The following OXR1 variants were observed in gnomAD, a reference collection of about 807,000 sequenced individuals.
OXR1 encodes the protein oxidation resistance 1.
A neutral mutation model predicts 104.6 loss-of-function variants in OXR1; 41 were observed. The observed-to-expected ratio is 0.39, with a 90% CI of 0.31 to 0.51. OXR1 has a LOEUF of 0.51. OXR1 is among the 20% of genes least tolerant of loss of function. The probability of loss-of-function intolerance (pLI) is 0.77; values close to 1 mark genes in which losing one functional copy is unlikely to be tolerated. For missense variants in OXR1, 955 were observed against 1,031.9 expected (o/e 0.93, Z 1.02); for synonymous variants, 348 against 348.4 (o/e 1.00, Z 0.01).
intron 1 of OXR1, among the ~76,000 whole-genome samples, chr8:106,303,438 C>T (rs1813345168): frequency 6.6e-6 from 1 of 151,658 alleles, no homozygotes; most frequent in Non-Finnish European, 1.5e-5. Context: ...CGGGGTTTCA[C>T]TGTGTTAGCC....
At chr8:106,467,457 C>T (rs373673835) in intron 2 of OXR1, among the ~76,000 whole-genome samples, 39 of 151,908 alleles carry the variant, frequency 2.6e-4, no homozygotes, top group African/African-American at 9.4e-4. Flanking sequence ...GAGCTTTATT[C>T]CTGGTGGCTT....
At chr8:106,273,515 G>A (rs1008307154) in intron 1 of OXR1, among the ~76,000 whole-genome samples, 2 of 152,220 alleles carry the variant, frequency 1.3e-5, no homozygotes, top group African/African-American at 2.4e-5. Context: ...GGCCAGGGAT[G>A]CTGTGAACAT....
chr8:106,348,796 C>T (rs1272044339), intron 1 of OXR1, among the ~76,000 whole-genome samples: 1 of 152,010 alleles, frequency 6.6e-6, no homozygotes, highest in Non-Finnish European at 1.5e-5. Context: ...AGGCCTTCAG[C>T]AGAGAGTGGA....
At chr8:106,658,837 T>A (rs1825448869) in intron 3 of OXR1, among the ~76,000 whole-genome samples, 1 of 152,218 alleles carries the variant, frequency 6.6e-6, no homozygotes, top group African/African-American at 2.4e-5. Context: ...TACCATTCTT[T>A]AAAACAGTCA....
At chr8:106,565,155 G>A (rs951880506) in intron 3 of OXR1, among the ~76,000 whole-genome samples, 1 of 151,136 alleles carries the variant, frequency 6.6e-6, no homozygotes, top group South Asian at 2.1e-4. Context: ...AGAAAGAAAG[G>A]GTATACAAAT....
chr8:106,564,685 G>T (rs970047202), intron 3 of OXR1, among the ~76,000 whole-genome samples: 2 of 152,090 alleles, frequency 1.3e-5, no homozygotes, highest in East Asian at 1.9e-4. Flanking sequence ...AACATAAAAA[G>T]AAAATTACAG....
intron 11 of OXR1, among the ~76,000 whole-genome samples, chr8:106,731,274 C>G (rs1563754702): frequency 6.6e-6 from 1 of 152,146 alleles, no homozygotes; most frequent in Non-Finnish European, 1.5e-5. Flanking sequence ...ACCATTGTCT[C>G]CTTCCTTCCT....
intron 3 of OXR1, among the ~76,000 whole-genome samples, chr8:106,575,885 G>A (rs1037065769): frequency 6.6e-6 from 1 of 151,396 alleles, no homozygotes; most frequent in African/African-American, 2.4e-5. Context: ...TCAAATACGT[G>A]GCAGATTAAA....
At chr8:106,710,819 C>T in intron 10 of OXR1, 29 bp downstream of exon 10, 3 of 1,335,904 alleles carry the variant, frequency 2.2e-6, no homozygotes, top group Non-Finnish European at 3.0e-6. Context: ...ACCTTGAGAG[C>T]ATTATTGAGA....
At chr8:106,523,776 A>C (rs1344010543) in intron 3 of OXR1, among the ~76,000 whole-genome samples, 2 of 144,472 alleles carry the variant, frequency 1.4e-5, no homozygotes, top group African/African-American at 2.4e-5. Flanking sequence ...ATGGAGTGGA[A>C]ATTTTTTTTT....
chr8:106,552,462 G>C (rs1218924672), intron 3 of OXR1, among the ~76,000 whole-genome samples: 1 of 152,010 alleles, frequency 6.6e-6, no homozygotes, highest in African/African-American at 2.4e-5. Context: ...TGGCTCTCGG[G>C]CCTAAACTAT....
At chr8:106,326,399 CTA>C (rs1232030227) in intron 1 of OXR1, among the ~76,000 whole-genome samples, 8 of 152,178 alleles carry the variant, frequency 5.3e-5, no homozygotes, top group Non-Finnish European at 1.2e-4. Flanking sequence ...GGTAAGTAAA[CTA>C]TATTGAAAAA....
intron 1 of OXR1, among the ~76,000 whole-genome samples, chr8:106,271,450 C>A (rs1183831769): frequency 6.6e-6 from 1 of 151,952 alleles, no homozygotes; most frequent in Non-Finnish European, 1.5e-5. Flanking sequence ...CAGTTCTAGG[C>A]CACAGGAATT....
At chr8:106,618,547 A>G (rs534051322) in intron 3 of OXR1, among the ~76,000 whole-genome samples, 152 of 152,374 alleles carry the variant, frequency 1.0e-3, no homozygotes, top group Non-Finnish European at 1.5e-3. Context: ...CTTCATGTCC[A>G]GTGGCCATTT....
intron 3 of OXR1, among the ~76,000 whole-genome samples, chr8:106,534,592 T>A (rs2130267267): frequency 6.6e-6 from 1 of 152,262 alleles, no homozygotes; most frequent in East Asian, 1.9e-4. Context: ...GGTTCAGATG[T>A]ACAGACACAA....
At chr8:106,623,502 G>C (rs1821894503) in intron 3 of OXR1, among the ~76,000 whole-genome samples, 1 of 152,026 alleles carries the variant, frequency 6.6e-6, no homozygotes, top group Non-Finnish European at 1.5e-5. Flanking sequence ...AGTCTAATGA[G>C]AGAGACAGAC....
At chr8:106,585,033 A>C (rs1818525619) in intron 3 of OXR1, among the ~76,000 whole-genome samples, 1 of 152,162 alleles carries the variant, frequency 6.6e-6, no homozygotes, top group African/African-American at 2.4e-5. Flanking sequence ...ACATAATTTA[A>C]ATGCCATGTC....
intron 2 of OXR1, among the ~76,000 whole-genome samples, chr8:106,445,523 C>G (rs994565253): frequency 1.3e-5 from 2 of 152,314 alleles, no homozygotes; most frequent in South Asian, 4.1e-4. Context: ...TAAAAGACGA[C>G]TAGCCTCATT....
intron 2 of OXR1, among the ~76,000 whole-genome samples, chr8:106,374,310 A>T (rs1171808360): frequency 6.6e-6 from 1 of 152,168 alleles, no homozygotes; most frequent in Admixed American, 6.5e-5. Flanking sequence ...TTTAACATTT[A>T]TGCATTTTCC....
Sources: gnomAD v4.1 joint callset for allele counts (sites outside exome capture counted in the v4.1 genomes callset) on GRCh38, gnomAD v4.1.1 for gene constraint, MANE v1.5 for transcripts, NCBI Gene and HGNC (gene_info 2026-07-23, HGNC 2026-07-21) for gene names.